Variants in TRIM44 observed in about 807,000 individuals in gnomAD.
TRIM44 encodes tripartite motif containing 44.
In TRIM44, 13 loss-of-function variants were observed where a neutral mutation model predicts 37.4. That is an observed-to-expected ratio of 0.35 (90% CI 0.23 to 0.55). The LOEUF is 0.55. Among genes scored for constraint, TRIM44 ranks in the 20% least tolerant of loss-of-function variants. TRIM44 has a pLI of 0.89. For missense variants in TRIM44, 426 were observed against 437.2 expected, an observed-to-expected ratio of 0.97 and a Z score of 0.23; for synonymous variants, 175 against 157.2, an observed-to-expected ratio of 1.11 and a Z score of -0.85.
rs1292764303 is a variant in TRIM44 at position 35,811,164 on chromosome 11, G to A, written c.*4779G>A. 6.6e-6 allele frequency: 1 copy of A among 152,146 alleles called. No homozygotes were observed. The highest frequency in any genetic ancestry group is 1.9e-4 in the East Asian group (1 of 5,190). The allele number at this position is 152,146 out of a possible 1,614,324, so 9.4% of individuals were successfully genotyped here. On this transcript the variant is annotated 3_prime_UTR_variant, in exon 5 of 5. Coordinates refer to ENST00000299413, the MANE Select transcript of TRIM44 (RefSeq NM_017583.6). Reference sequence around the variant, plus strand: ...GATGATGGTGTTTTGGTTACTAGATGTGGGAGTCTAATTTACTCCTGACTT... The same window carrying A: ...GATGATGGTGTTTTGGTTACTAGATATGGGAGTCTAATTTACTCCTGACTT...
intron 4 of TRIM44, among the ~76,000 whole-genome samples, chr11:35,805,757 CAAAT>C (rs1328996312): frequency 6.6e-6 from 1 of 152,102 alleles, no homozygotes; most frequent in Non-Finnish European, 1.5e-5. Context: ...AAATCGTAAA[CAAAT>C]AAATTATGTA....
chr11:35,803,328 A>C (rs2133884618), intron 4 of TRIM44, among the ~76,000 whole-genome samples: 1 of 152,224 alleles, frequency 6.6e-6, no homozygotes, highest in Middle Eastern at 3.4e-3. Context: ...CTCCAGTTGT[A>C]AGTCTAAGTG....
intron 2 of TRIM44, among the ~76,000 whole-genome samples, chr11:35,723,056 TC>T (rs936593203): frequency 1.3e-5 from 2 of 148,718 alleles, no homozygotes; most frequent in African/African-American, 4.9e-5. Context: ...TCCCTCCCTC[TC>T]CCCCTTCCAA....
At chr11:35,777,642 G>T (rs1336627925) in intron 4 of TRIM44, among the ~76,000 whole-genome samples, 9 of 152,138 alleles carry the variant, frequency 5.9e-5, no homozygotes, top group Non-Finnish European at 1.2e-4. Flanking sequence ...CTCTTGTAAG[G>T]CAGGCCTGGT....
intron 4 of TRIM44, among the ~76,000 whole-genome samples, chr11:35,755,095 G>T (rs1406392044): frequency 6.6e-6 from 1 of 152,188 alleles, no homozygotes; most frequent in Non-Finnish European, 1.5e-5. Flanking sequence ...CTTCCACAGT[G>T]GTTGGACTAG....
At chr11:35,742,350 A>G (rs957909946) in intron 4 of TRIM44, among the ~76,000 whole-genome samples, 1 of 145,840 alleles carries the variant, frequency 6.9e-6, no homozygotes, top group Non-Finnish European at 1.5e-5. Context: ...ACATTTACAT[A>G]TATTATCTAT....
At chr11:35,788,604 T>G (rs964495497) in intron 4 of TRIM44, among the ~76,000 whole-genome samples, 6 of 152,202 alleles carry the variant, frequency 3.9e-5, no homozygotes, top group Non-Finnish European at 5.9e-5. Flanking sequence ...TTGTGACCAT[T>G]CATGCCAATT....
intron 4 of TRIM44, among the ~76,000 whole-genome samples, chr11:35,756,614 C>T (rs1852645572): frequency 6.6e-6 from 1 of 151,758 alleles, no homozygotes; most frequent in Admixed American, 6.6e-5. Context: ...CCAGTTTTTG[C>T]CCATTCAGTA....
At position 35,711,452 on chromosome 11, in the gene TRIM44, A is replaced by G. The variant is rs1172840086; in HGVS notation, c.748-14472A>G. The stretch of plus-strand genomic sequence containing the variant: ...GGGCAAATCTGTGCTTAATCTCTTC[A>G]TTTCTCAGATTTTTTGTTTTTTTTT... On this transcript the variant is annotated intron_variant, in intron 2 of 4. Transcript: ENST00000299413. 4.2e-5 allele frequency among the ~76,000 whole-genome samples: 6 copies of G among 142,296 alleles called. No homozygotes were observed. In the Admixed American group the frequency reaches 4.5e-4, roughly 11 times the overall value. 93.4% of individuals were successfully genotyped at this position (142,296 alleles called of 152,430 possible).
chr11:35,677,414 A>AT (rs1314726815), intron 1 of TRIM44, among the ~76,000 whole-genome samples: 2 of 151,062 alleles, frequency 1.3e-5, no homozygotes, highest in African/African-American at 2.4e-5. Flanking sequence ...TTAGTAAAAT[A>AT]TTTTTTTTAT....
chr11:35,756,307 G>A (rs552577933), intron 4 of TRIM44, among the ~76,000 whole-genome samples: 1 of 152,014 alleles, frequency 6.6e-6, no homozygotes, highest in Non-Finnish European at 1.5e-5. Context: ...CTCTCTGTTT[G>A]TCTGTTATTG....
At chr11:35,784,622 A>ATGTATG (rs1341107380) in intron 4 of TRIM44, among the ~76,000 whole-genome samples, 4 of 152,214 alleles carry the variant, frequency 2.6e-5, no homozygotes, top group Non-Finnish European at 5.9e-5. Context: ...ATATATGTAT[A>ATGTATG]TGTATGTGTG....
intron 4 of TRIM44, among the ~76,000 whole-genome samples, chr11:35,789,118 C>T (rs1256002665): frequency 6.6e-6 from 1 of 152,088 alleles, no homozygotes; most frequent in Non-Finnish European, 1.5e-5. Context: ...ATTTTATTGT[C>T]ATTCCCCTCC....
chr11:35,738,846 G>T (rs148654851), intron 4 of TRIM44, among the ~76,000 whole-genome samples: 1 of 152,116 alleles, frequency 6.6e-6, no homozygotes, highest in Non-Finnish European at 1.5e-5. Flanking sequence ...GGATCATTAT[G>T]CCTGTGTCTC....
intron 4 of TRIM44, among the ~76,000 whole-genome samples, chr11:35,758,519 T>C (rs560266557): frequency 6.6e-6 from 1 of 152,336 alleles, no homozygotes; most frequent in East Asian, 1.9e-4. Context: ...AATATTGTTA[T>C]GTGTGAATTT....
rs569562560 is a variant in TRIM44 at position 35,718,922 on chromosome 11, CG to C, written c.748-6995del. Among the ~76,000 whole-genome samples, 8 of 145,370 alleles carry C rather than the reference CG, an allele frequency of 5.5e-5. No individual in the cohort carries two copies. The South Asian group carries it at 1.5e-3, about 28-fold the overall frequency. On this transcript the variant is annotated intron_variant, in intron 2 of 4. Transcript: ENST00000299413. Reference sequence around the variant, plus strand: ...TGTTTTTCTTCTTTTTTTGGTGGGGCGGGGGGGTTGATTAATATTCTGTTGT... The same window carrying C: ...TGTTTTTCTTCTTTTTTTGGTGGGGCGGGGGGTTGATTAATATTCTGTTGT...
In TRIM44 at chr11:35,676,896, G is replaced by C. The variant is rs118088229; in HGVS notation, c.670-8363G>C. On this transcript the variant is annotated intron_variant, in intron 1 of 4. Coordinates refer to ENST00000299413, the MANE Select transcript of TRIM44 (RefSeq NM_017583.6). ...TTGTCTGTTGTTGAATTTTGAGACT[G>C]TTTTTGTCTGTTTTTGAATTTTGAG... Among the ~76,000 whole-genome samples, 8 of 152,196 alleles carry C rather than the reference G, an allele frequency of 5.3e-5. No individual in the cohort carries two copies. The East Asian group carries it at 1.5e-3, about 29-fold the overall frequency.
At chr11:35,750,514 A>G (rs1465395013) in intron 4 of TRIM44, among the ~76,000 whole-genome samples, 1 of 152,226 alleles carries the variant, frequency 6.6e-6, no homozygotes, top group Non-Finnish European at 1.5e-5. Context: ...TTCATGATGC[A>G]ATAAAGACTT....
At chr11:35,773,276 C>A (rs115526497) in intron 4 of TRIM44, among the ~76,000 whole-genome samples, 2 of 151,922 alleles carry the variant, frequency 1.3e-5, no homozygotes, top group Admixed American at 6.6e-5. Context: ...AATACAGGTG[C>A]CTTTTTTTTA....
Sources: gnomAD v4.1 joint callset for allele counts (sites outside exome capture counted in the v4.1 genomes callset) on GRCh38, gnomAD v4.1.1 for gene constraint, MANE v1.5 for transcripts, NCBI Gene and HGNC (gene_info 2026-07-23, HGNC 2026-07-21) for gene names.